Variants in REXO5 observed in about 807,000 individuals in gnomAD.
REXO5 encodes exonuclease NEF-sp.
A neutral mutation model predicts 88.5 loss-of-function variants in REXO5; 48 were observed. The ratio of observed to expected loss-of-function variants is 0.54; its 90% confidence interval spans 0.43 to 0.69. The LOEUF (loss-of-function observed/expected upper bound fraction) is 0.69. Ranked by LOEUF, REXO5 falls within the 30% of genes least tolerant of loss-of-function variation. The pLI, the probability that REXO5 is intolerant of heterozygous loss-of-function variation, is 0.00. For synonymous variants in REXO5, 311 were observed against 336.5 expected (o/e 0.92, Z 0.83); for missense variants, 749 against 912.2 (o/e 0.82, Z 2.30).
At chr16:20,844,494 C>T in intron 16 of REXO5, 135 bp from the exon 17 acceptor site, 1 of 668,842 alleles carries the variant, frequency 1.5e-6, no homozygotes, top group Non-Finnish European at 2.5e-6. Flanking sequence ...TTTCCTTTTA[C>T]AGAAAAGAAA....
At position 20,839,741 on chromosome 16, in the gene REXO5, G is replaced by T. The variant is rs1258960496; in HGVS notation, c.1384-14G>T. On this transcript the variant is annotated splice_polypyrimidine_tract_variant and intron_variant, in intron 13 of 19. Transcript: ENST00000261377. ...GAGGTTCCTACCTTATCCAGGCTGT[G>T]CTGTTCTCTACAGGTTCTTGAGCAG... 1 of 1,587,440 alleles carries T rather than the reference G, an allele frequency of 6.3e-7. No homozygotes were observed. The highest frequency in any genetic ancestry group is 2.2e-5 in the East Asian group (1 of 44,760).
At position 20,807,068 on chromosome 16, in the gene REXO5, G is replaced by C. The variant is rs745451778; in HGVS notation, c.115G>C (p.Glu39Gln). The C allele has an allele frequency of 1.2e-6, 2 of 1,604,668 alleles. No homozygotes were observed. Among genetic ancestry groups the C allele is most frequent in the Non-Finnish European group, 1.7e-6 (2 of 1,176,614 alleles). The change falls in exon 2 of 20, where the codon GAG (glutamate) becomes CAG (glutamine). Residue 39 changes from glutamate to glutamine, a missense_variant. Glu to Gln is a conservative substitution (Grantham distance 29). Transcript: ENST00000261377. ...AEAMKAGWDL[E>Q]ESQPEAKKAR... ...GGCGATGAAAGCCGGTTGGGATCTC[G>C]AGGAGAGTCAGCCCGAGGCCAAGGT...
chr16:20,823,929 T>C (rs915975147), intron 6 of REXO5, among the ~76,000 whole-genome samples: 50 of 152,154 alleles, frequency 3.3e-4, no homozygotes, highest in African/African-American at 1.2e-3. Flanking sequence ...ACAGGTTGAG[T>C]TGGGTGGAGG....
At position 20,833,759 on chromosome 16, in the gene REXO5, T is replaced by C. The variant is rs184664179; in HGVS notation, c.1383+636T>C. ...CTGAACCATTTGAGAGTAAGCTGCA[T>C]ATATCATGGCCCTAAACACTTCAGA... is the stretch of plus-strand genomic sequence containing the variant. On this transcript the variant is annotated intron_variant, in intron 13 of 19. Transcript: ENST00000261377. Among the ~76,000 whole-genome samples the C allele has an allele frequency of 7.2e-4, 109 of 152,338 alleles. 1 individual carries two copies. The highest frequency in any genetic ancestry group is 5.3e-3 in the Admixed American group (81 of 15,294).
intron 13 of REXO5, among the ~76,000 whole-genome samples, chr16:20,838,538 A>G (rs539229829): frequency 6.6e-6 from 1 of 152,268 alleles, no homozygotes; most frequent in East Asian, 1.9e-4. Context: ...TAGAGATTTC[A>G]TGACCTCCCA....
At chr16:20,840,308 A>C (rs998054944) in intron 14 of REXO5, 23 bp from the exon 15 acceptor site, 4 of 1,508,040 alleles carry the variant, frequency 2.7e-6, no homozygotes, top group Non-Finnish European at 3.6e-6. Context: ...TTCCCATACT[A>C]TATTCTGTTG....
intron 7 of REXO5, among the ~76,000 whole-genome samples, chr16:20,825,408 T>C (rs2081245570): frequency 6.6e-6 from 1 of 152,190 alleles, no homozygotes; most frequent in Non-Finnish European, 1.5e-5. Context: ...CCTCGGCTTC[T>C]CCCTCTGTGA....
At position 20,813,313 on chromosome 16, in the gene REXO5, A is replaced by C. The variant is rs1219576215; in HGVS notation, c.251+11A>C. On this transcript the variant is annotated intron_variant, in intron 3 of 19. Transcript: ENST00000261377. ...TGTTCCAAAACCCAGGTATGAGATG[A>C]ATTTAAATGGTGGGTATTGACCAGC... is the stretch of plus-strand genomic sequence containing the variant. The C allele has an allele frequency of 6.7e-7, 1 of 1,488,462 alleles. No homozygotes were observed. Among genetic ancestry groups the C allele is most frequent in the South Asian group, 1.1e-5 (1 of 88,238 alleles). The allele number at this position is 1,488,462 out of a possible 1,614,324, so 92.2% of individuals were successfully genotyped here.
chr16:20,824,459 T>G lies in REXO5; in HGVS notation c.637T>G (p.Phe213Val), dbSNP rs2152504491. ...CCTAGGTTTTCCTGATTGTGAAAAC[T>G]TTTTACTTACCAAATGTAATGGTTC... Reference protein sequence around the residue: ...PLQGFPDCENFLLTKCNGSIA... With the variant: ...PLQGFPDCENVLLTKCNGSIA... The change falls in exon 7 of 20, where the codon TTT becomes GTT. Residue 213 changes from phenylalanine to valine, a missense_variant. Coordinates refer to ENST00000261377, the MANE Select transcript of REXO5 (RefSeq NM_030941.3). 1.9e-6 allele frequency: 3 copies of G among 1,609,440 alleles called. No individual in the cohort carries two copies. Among genetic ancestry groups the G allele is most frequent in the Non-Finnish European group, 2.5e-6 (3 of 1,176,488 alleles).
intron 13 of REXO5, 92 bp downstream of exon 13, chr16:20,833,215 CAGCAACCCTGGCTACAGTT>C: frequency 7.4e-7 from 1 of 1,349,310 alleles, no homozygotes; most frequent in Non-Finnish European, 1.0e-6. Context: ...TTTTTTTCAT[CAGCAACCCTGGCTACAGTT>C]AGCAAGCCTG....
chr16:20,836,351 T>G (rs146271793), intron 13 of REXO5, among the ~76,000 whole-genome samples: 1 of 152,338 alleles, frequency 6.6e-6, no homozygotes, highest in East Asian at 1.9e-4. Flanking sequence ...TTTGCCTGTT[T>G]TAGAAAGTCA....
At position 20,845,109 on chromosome 16, in the gene REXO5, C is replaced by G. The variant is rs142746278; in HGVS notation, c.1992C>G (p.Asp664Glu). The G allele has an allele frequency of 2.1e-5, 34 of 1,614,026 alleles. No individual in the cohort carries two copies. The highest frequency in any genetic ancestry group is 2.7e-5 in the Non-Finnish European group (32 of 1,180,026). Reference sequence around the variant, plus strand: ...CCCTCAACATTCTCACAGGCAAGGACTGGAAGCTGAAAGGCAGGCATGCCC... The same window carrying G: ...CCCTCAACATTCTCACAGGCAAGGAGTGGAAGCTGAAAGGCAGGCATGCCC... ...QQALNILTGK[D>E]WKLKGRHALT... Residue 664 changes from aspartate (D) to glutamate (E), a missense_variant, in exon 18 of 20, where the codon GAC (aspartate) becomes GAG (glutamate). Physicochemically the swap from Asp to Glu is conservative, Grantham distance 45 (BLOSUM62 2). Transcript: ENST00000261377.
In REXO5 at chr16:20,821,797, C is replaced by T. The variant is rs1188444944; in HGVS notation, c.511C>T (p.Leu171Phe). The T allele has an allele frequency of 1.9e-6, 3 of 1,603,652 alleles. No homozygotes were observed. Among genetic ancestry groups the T allele is most frequent in the African/African-American group, 1.3e-5 (1 of 74,370 alleles). The change falls in exon 6 of 20, where the codon CTT becomes TTT. Residue 171 changes from leucine to phenylalanine, a missense_variant. Leu to Phe is a conservative substitution (Grantham distance 22, BLOSUM62 0). Transcript: ENST00000261377. Reference sequence around the variant, plus strand: ...TTCTAATGCAAAAGCCGCCATCAACCTTCAGGATGATCCCATCATTCAAAA... The same window carrying T: ...TTCTAATGCAAAAGCCGCCATCAACTTTCAGGATGATCCCATCATTCAAAA... ...LPSNAKAAIN[L>F]QDDPIIQKYG...
At chr16:20,840,623 C>G (rs1202087194) in intron 15 of REXO5, among the ~76,000 whole-genome samples, 155 bp downstream of exon 15, 3 of 152,168 alleles carry the variant, frequency 2.0e-5, no homozygotes, top group African/African-American at 7.2e-5. Context: ...TGTTGACCCA[C>G]AAGAATGTAT....
At chr16:20,807,747 A>AC (rs1449923360) in intron 2 of REXO5, among the ~76,000 whole-genome samples, 2 of 150,472 alleles carry the variant, frequency 1.3e-5, no homozygotes, top group African/African-American at 2.5e-5. Flanking sequence ...TTAAAAAAAA[A>AC]AAACAAAAAA....
chr16:20,845,337 C>G, intron 18 of REXO5, 96 bp downstream of exon 18: 6 of 1,118,258 alleles, frequency 5.4e-6, no homozygotes, highest in Non-Finnish European at 7.5e-6. Context: ...CCCTGGCCCT[C>G]AGTCTTATTT....
Position 20,833,085 on chromosome 16 carries a change from A to T in REXO5, c.1345A>T (p.Arg449Ter). 2 of 1,613,698 alleles carry T rather than the reference A, an allele frequency of 1.2e-6. No individual in the cohort carries two copies. The highest frequency in any genetic ancestry group is 1.7e-6 in the Non-Finnish European group (2 of 1,179,656). ...AGATGCTGGTGAACTTCCATCTTCC[A>T]GAAATTGTCAAACTATTAAGTGTCT... ...ETDAGELPSS[R>*]NCQTIKCLSN... is the part of the protein sequence containing the mutation. The change falls in exon 13 of 20, where the codon AGA becomes TGA. Residue 449 changes from arginine to a stop codon, truncating the protein, a stop_gained. Coordinates refer to ENST00000261377, the MANE Select transcript of REXO5 (RefSeq NM_030941.3). LOFTEE classifies it high-confidence loss of function.
Position 20,814,935 on chromosome 16 carries a change from A to C in REXO5, c.260A>C (p.Gln87Pro), listed in dbSNP as rs574923657. 1 of 1,612,646 alleles carries C rather than the reference A, an allele frequency of 6.2e-7. No individual in the cohort carries two copies. The highest frequency in any genetic ancestry group is 1.1e-5 in the South Asian group (1 of 90,678). Reference sequence around the variant, plus strand: ...GTTTGATTTCTTGGCAGCTGGTGCCAGCTTTTTCATCAAAACCACCTAAAC... The same window carrying C: ...GTTTGATTTCTTGGCAGCTGGTGCCCGCTTTTTCATCAAAACCACCTAAAC... ...KSNVPKPSWCQLFHQNHLNNV... is the reference protein window; with the variant it reads ...KSNVPKPSWCPLFHQNHLNNV... Residue 87 changes from glutamine (Q) to proline (P), a missense_variant, in exon 4 of 20, where the codon CAG becomes CCG. Gln to Pro is a moderately conservative substitution (Grantham distance 76). Coordinates refer to ENST00000261377, the MANE Select transcript of REXO5 (RefSeq NM_030941.3).
chr16:20,821,969 C>A lies in REXO5; in HGVS notation c.616+67C>A, dbSNP rs2081192618. 2.8e-6 allele frequency: 4 copies of A among 1,409,560 alleles called. No homozygotes were observed. The East Asian group carries it at 9.8e-5, about 35-fold the overall frequency. 87.3% of individuals were successfully genotyped at this position (1,409,560 alleles called of 1,614,324 possible). A position where few individuals can be genotyped will look rare whatever the true frequency, so the allele number is the denominator to read the frequency against. On this transcript the variant is annotated intron_variant, in intron 6 of 19. Coordinates refer to ENST00000261377, the MANE Select transcript of REXO5 (RefSeq NM_030941.3). ...TATCTAACAGCTTATTTAAATACTA[C>A]TGTTTGAGATTCATTTATCTGGCTG...
Sources: allele counts gnomAD v4.1 joint callset (sites outside exome capture counted in the v4.1 genomes callset), GRCh38; gene constraint gnomAD v4.1.1; transcripts MANE v1.5; gene names NCBI Gene and HGNC (gene_info 2026-07-23, HGNC 2026-07-21).